ZFP3: variants seen among roughly 807,000 people sequenced by gnomAD.
The protein encoded by ZFP3 is zinc finger protein 3 homolog.
A neutral mutation model predicts 36.7 loss-of-function variants in ZFP3; 18 were observed. That is an observed-to-expected ratio of 0.49 (90% CI 0.34 to 0.73). The LOEUF is 0.73. Among genes scored for constraint, ZFP3 ranks in the 30% least tolerant of loss-of-function variants. The probability of loss-of-function intolerance (pLI) is 0.01; values close to 1 mark genes in which losing one functional copy is unlikely to be tolerated. For synonymous variants in ZFP3, 218 were observed against 199.0 expected (o/e 1.10, Z -0.81); for missense variants, 495 against 599.0 (o/e 0.83, Z 1.81).
intron 1 of ZFP3, among the ~76,000 whole-genome samples, chr17:5,088,982 T>C (rs890617738): frequency 5.3e-5 from 8 of 152,158 alleles, no homozygotes; most frequent in Admixed American, 2.6e-4. Context: ...AGTGCACAAA[T>C]AGACTGCCCT....
Position 5,092,984 on chromosome 17 carries a change from C to A in ZFP3, c.1480C>A (p.Arg494=). 1 of 1,607,134 alleles carries A rather than the reference C, an allele frequency of 6.2e-7. No individual in the cohort carries two copies. The highest frequency in any genetic ancestry group is 8.5e-7 in the Non-Finnish European group (1 of 1,176,748). The change falls in exon 2 of 2, where the codon CGA becomes AGA. Residue 494 remains arginine, a synonymous_variant. Coordinates refer to ENST00000318833, the MANE Select transcript of ZFP3 (RefSeq NM_153018.3). The surrounding 1 kb of genome is among the most constrained non-coding windows in gnomAD (Gnocchi z 5.0). ...KTFSRSSHLL[R]HQSVHCME is the part of the protein sequence containing the mutation. ...TTTTAGTCGGAGCTCTCACCTCCTC[C>A]GACATCAAAGTGTTCACTGTATGGA...
At chr17:5,083,011 G>A (rs1298346772) in intron 1 of ZFP3, among the ~76,000 whole-genome samples, 1 of 152,072 alleles carries the variant, frequency 6.6e-6, no homozygotes, top group East Asian at 2.0e-4. Flanking sequence ...AGTAACTAGA[G>A]TCAGTTTGTT....
chr17:5,089,591 G>A (rs1252554838), intron 1 of ZFP3, among the ~76,000 whole-genome samples: 1 of 152,122 alleles, frequency 6.6e-6, no homozygotes, highest in East Asian at 1.9e-4. Context: ...ATTGGGGTAG[G>A]CAACTAAACA....
intron 1 of ZFP3, among the ~76,000 whole-genome samples, chr17:5,088,364 C>T (rs1360328252): frequency 6.6e-6 from 1 of 152,196 alleles, no homozygotes; most frequent in Non-Finnish European, 1.5e-5. Flanking sequence ...TTTCCCCAGC[C>T]TGTCTCTTCC....
intron 1 of ZFP3, among the ~76,000 whole-genome samples, chr17:5,090,413 A>C (rs951751421): frequency 6.6e-6 from 1 of 152,214 alleles, no homozygotes; most frequent in Non-Finnish European, 1.5e-5. Context: ...TTATTCAGTA[A>C]ATGGTATTGA....
intron 1 of ZFP3, among the ~76,000 whole-genome samples, chr17:5,087,862 G>A (rs1730827471): frequency 6.6e-6 from 1 of 152,220 alleles, no homozygotes; most frequent in African/African-American, 2.4e-5. Context: ...GTGGACCACA[G>A]CTGGAAGCCA....
At position 5,091,522 on chromosome 17, in the gene ZFP3, G is replaced by A. The variant is rs199897075; in HGVS notation, c.18G>A (p.Lys6=). 38 of 1,614,014 alleles carry A rather than the reference G, an allele frequency of 2.4e-5. No homozygotes were observed. In the African/African-American group the frequency reaches 4.7e-4, roughly 20 times the overall value. Reference sequence around the variant, plus strand: ...ATTGTGAGATGGGGACTGAGAACAAGGAGGTGATTCCCAAGGAAGAAATTT... The same window carrying A: ...ATTGTGAGATGGGGACTGAGAACAAAGAGGTGATTCCCAAGGAAGAAATTT... MGTEN[K]EVIPKEEISE... is the part of the protein sequence containing the mutation. Residue 6 remains lysine, a synonymous_variant, in exon 2 of 2, where the codon AAG becomes AAA. Transcript: ENST00000318833.
chr17:5,082,173 C>CTG (rs2072097223), intron 1 of ZFP3, among the ~76,000 whole-genome samples: 1 of 151,686 alleles, frequency 6.6e-6, no homozygotes, highest in Non-Finnish European at 1.5e-5. Context: ...GGGTGGAACC[C>CTG]TGTCTCTACT....
At chr17:5,079,036 C>T (rs913280740) in intron 1 of ZFP3, among the ~76,000 whole-genome samples, 1 of 152,062 alleles carries the variant, frequency 6.6e-6, no homozygotes, top group Non-Finnish European at 1.5e-5. Context: ...GTTTGAGCTG[C>T]AAAGATAGAG....
chr17:5,092,202 C>G lies in ZFP3; in HGVS notation c.698C>G (p.Ala233Gly), dbSNP rs1303131461. ...RPYKCEECGK[A>G]FSQNSALILH... Reference sequence around the variant, plus strand: ...TATAAATGTGAAGAATGTGGTAAAGCCTTCAGTCAAAATTCAGCCCTTATT... The same window carrying G: ...TATAAATGTGAAGAATGTGGTAAAGGCTTCAGTCAAAATTCAGCCCTTATT... The change falls in exon 2 of 2, where the codon GCC (alanine) becomes GGC (glycine). Residue 233 changes from alanine to glycine, a missense_variant. By Grantham distance (60) the Ala-to-Gly change is moderately conservative. Around this residue, in one of 3 missense-constraint regions of ZFP3, gnomAD observed 103 missense variants for 186.8 expected, o/e 0.55. Coordinates refer to ENST00000318833, the MANE Select transcript of ZFP3 (RefSeq NM_153018.3). The surrounding 1 kb of genome is among the most constrained non-coding windows in gnomAD (Gnocchi z 5.0). 2.5e-6 allele frequency: 4 copies of G among 1,613,948 alleles called. No homozygotes were observed. The highest frequency in any genetic ancestry group is 3.3e-5 in the Admixed American group (2 of 59,996).
rs1243045291 is a variant in ZFP3 at position 5,092,538 on chromosome 17, C to G, written c.1034C>G (p.Thr345Ser). Residue 345 changes from threonine to serine, a missense_variant, in exon 2 of 2, where the codon ACT (threonine) becomes AGT (serine). By Grantham distance (58) the Thr-to-Ser change is moderately conservative. This residue lies in a region of ZFP3 where 103 missense variants were observed against 186.8 expected (regional missense o/e 0.55). Transcript: ENST00000318833. The surrounding 1 kb of genome is among the most constrained non-coding windows in gnomAD (Gnocchi z 5.0). ...TATGAATGTAATGAATGTGGGAAAA[C>G]TTTTGGCCAGAACTCAGAGATTATT... The part of the protein sequence containing the change: ...KPYECNECGK[T>S]FGQNSEIIRH... 6.2e-7 allele frequency: 1 copy of G among 1,613,984 alleles called. No individual in the cohort carries two copies. Among genetic ancestry groups the G allele is most frequent in the African/African-American group, 1.3e-5 (1 of 74,902 alleles).
At chr17:5,080,256 T>G (rs1041557980) in intron 1 of ZFP3, among the ~76,000 whole-genome samples, 1 of 152,140 alleles carries the variant, frequency 6.6e-6, no homozygotes, top group African/African-American at 2.4e-5. Context: ...GCAAACGTCC[T>G]CAAAATATTG....
rs914599657 is a variant in ZFP3, at chr17:5,094,091, C to G, written c.*1078C>G. The G allele has an allele frequency of 6.0e-6, 1 of 167,222 alleles. No individual in the cohort carries two copies. The highest frequency in any genetic ancestry group is 1.5e-5 in the Non-Finnish European group (1 of 68,188). 10.4% of individuals were successfully genotyped at this position (167,222 alleles called of 1,614,324 possible). On this transcript the variant is annotated 3_prime_UTR_variant, in exon 2 of 2. Coordinates refer to ENST00000318833, the MANE Select transcript of ZFP3 (RefSeq NM_153018.3). ...ATGAGTCAGTTCACCTGATGACAAA[C>G]CAGGGTCTGGCCTTGCCAAAGCACT... is the stretch of plus-strand genomic sequence containing the variant.
In ZFP3 at chr17:5,092,445, G is replaced by A. The variant is rs775470320; in HGVS notation, c.941G>A (p.Cys314Tyr). 1.2e-6 allele frequency: 2 copies of A among 1,614,118 alleles called. No individual in the cohort carries two copies. The highest frequency in any genetic ancestry group is 1.3e-5 in the African/African-American group (1 of 74,942). Residue 314 changes from cysteine to tyrosine, a missense_variant, in exon 2 of 2, where the codon TGT (cysteine) becomes TAT (tyrosine). By Grantham distance (194) the Cys-to-Tyr change is radical. Coordinates refer to ENST00000318833, the MANE Select transcript of ZFP3 (RefSeq NM_153018.3). This position sits in a 1 kb window ranked among gnomAD's most constrained non-coding sequence, Gnocchi z 5.0. The part of the protein sequence containing the change: ...TGEKPYLCNE[C>Y]GKGFGQSSEL... ...GAAAAACCATATCTGTGTAATGAATGTGGGAAGGGCTTCGGGCAGAGTTCT... is the reference window on the plus strand; with the variant it reads ...GAAAAACCATATCTGTGTAATGAATATGGGAAGGGCTTCGGGCAGAGTTCT...
intron 1 of ZFP3, among the ~76,000 whole-genome samples, chr17:5,090,288 G>C (rs999585574): frequency 2.0e-5 from 3 of 152,224 alleles, no homozygotes; most frequent in Non-Finnish European, 4.4e-5. Flanking sequence ...TGAACTGTTT[G>C]ATATTAGAGA....
Position 5,093,361 on chromosome 17 carries a change from T to G in ZFP3, c.*348T>G, listed in dbSNP as rs141452428. The G allele has an allele frequency of 4.7e-6, 1 of 214,954 alleles. No individual in the cohort carries two copies. Among genetic ancestry groups the G allele is most frequent in the Non-Finnish European group, 1.0e-5 (1 of 99,258 alleles). The allele number at this position is 214,954 out of a possible 1,614,324, so 13.3% of individuals were successfully genotyped here. ...TTTTATGAATTATTCATTGAGAGGT[T>G]TCAGTGTGCTAAGTTAAATCATAAA... On this transcript the variant is annotated 3_prime_UTR_variant, in exon 2 of 2. Transcript: ENST00000318833.
At chr17:5,083,861 CTTTTCTTTT>C (rs1454323676) in intron 1 of ZFP3, among the ~76,000 whole-genome samples, 1 of 149,134 alleles carries the variant, frequency 6.7e-6, no homozygotes, top group Non-Finnish European at 1.5e-5. Flanking sequence ...CTTTTCTTTT[CTTTTCTTTT>C]CTTTTCTTTT....
At chr17:5,082,706 A>C (rs2072100649) in intron 1 of ZFP3, among the ~76,000 whole-genome samples, 1 of 151,594 alleles carries the variant, frequency 6.6e-6, no homozygotes, top group Non-Finnish European at 1.5e-5. Flanking sequence ...TTTTTTTGTA[A>C]TTTTTCTAGA....
At chr17:5,080,784 A>G (rs2072089138) in intron 1 of ZFP3, among the ~76,000 whole-genome samples, 1 of 151,936 alleles carries the variant, frequency 6.6e-6, no homozygotes, top group Non-Finnish European at 1.5e-5. Flanking sequence ...TGTCCTGACT[A>G]ACCTCCCTAG....
Sources: allele counts gnomAD v4.1 joint callset (sites outside exome capture counted in the v4.1 genomes callset), GRCh38; gene constraint gnomAD v4.1.1; regional missense constraint gnomAD v4.1.1; non-coding constraint Gnocchi (gnomAD v3.1); transcripts MANE v1.5; gene names NCBI Gene and HGNC (gene_info 2026-07-23, HGNC 2026-07-21).